TMEM64: variants seen among roughly 807,000 people sequenced by gnomAD.
TMEM64 encodes transmembrane protein 64.
TMEM64 carries 19 observed loss-of-function variants against 24.5 expected under a neutral mutation model. That is an observed-to-expected ratio of 0.78 (90% CI 0.54 to 1.14). TMEM64 has a LOEUF of 1.14. Ranked by LOEUF, TMEM64 falls within the 50% of genes most tolerant of loss-of-function variation. The probability of loss-of-function intolerance (pLI) is 0.00; values close to 1 mark genes in which losing one functional copy is unlikely to be tolerated. For synonymous variants in TMEM64, 262 were observed against 224.7 expected (o/e 1.17, Z -1.49); for missense variants, 487 against 493.0 (o/e 0.99, Z 0.12).
intron 1 of TMEM64, among the ~76,000 whole-genome samples, chr8:90,634,472 C>G (rs1809485514): frequency 6.6e-6 from 1 of 152,078 alleles, no homozygotes; most frequent in Non-Finnish European, 1.5e-5. Context: ...ATGGCCATAA[C>G]TGTTCTTGGC....
rs550730991 is a variant in TMEM64 at position 90,645,420 on chromosome 8, G to C, written c.486C>G (p.Leu162=). Reference sequence around the variant, plus strand: ...AGACCACGATGAAGCCCACGACGAAGAGCAGGACCCCCAGCAGCGAGTCAA... The same window carrying C: ...AGACCACGATGAAGCCCACGACGAACAGCAGGACCCCCAGCAGCGAGTCAA... ...ESLDSLLGVL[L]FVVGFIVVSF... is the part of the protein sequence containing the mutation. The change falls in exon 1 of 3, where the codon CTC becomes CTG. Residue 162 remains leucine (L), a synonymous_variant. Coordinates refer to ENST00000458549, the MANE Select transcript of TMEM64 (RefSeq NM_001008495.4). The surrounding 1 kb of genome is among the most constrained non-coding windows in gnomAD (Gnocchi z 4.2). 1.9e-6 allele frequency: 3 copies of C among 1,551,750 alleles called. No individual in the cohort carries two copies. The highest frequency in any genetic ancestry group is 2.4e-5 in the South Asian group (2 of 84,078).
rs1205247119 is a variant in TMEM64, at chr8:90,622,846, C to A, written c.*2825G>T. The A allele has an allele frequency of 2.6e-5, 4 of 152,156 alleles. No individual in the cohort carries two copies. In the East Asian group the frequency reaches 5.8e-4, roughly 22 times the overall value. 9.4% of individuals were successfully genotyped at this position (152,156 alleles called of 1,614,324 possible). ...GAGAGAATGGCTGGCTCTGAATAAA[C>A]CCACAGTCACTTCTGAACATAAAGT... On this transcript the variant is annotated 3_prime_UTR_variant, in exon 3 of 3. Transcript: ENST00000458549.
At chr8:90,626,538 A>C (rs1204778079) in intron 2 of TMEM64, among the ~76,000 whole-genome samples, 1 of 152,020 alleles carries the variant, frequency 6.6e-6, no homozygotes, top group African/African-American at 2.4e-5. Flanking sequence ...GTCTTAGCTT[A>C]GCTATTCACT....
intron 2 of TMEM64, 85 bp downstream of exon 2, chr8:90,631,466 AT>A: frequency 8.6e-7 from 1 of 1,166,648 alleles, no homozygotes; most frequent in Non-Finnish European, 1.2e-6. Flanking sequence ...CCCTCTGATT[AT>A]TTTCAATGAA....
At chr8:90,640,765 TTATGATGAC>T (rs1809592469) in intron 1 of TMEM64, among the ~76,000 whole-genome samples, 1 of 152,226 alleles carries the variant, frequency 6.6e-6, no homozygotes, top group Non-Finnish European at 1.5e-5. Flanking sequence ...CTGCTTAAAG[TTATGATGAC>T]ATCTTTCACT....
Position 90,631,602 on chromosome 8 carries a change from C to T in TMEM64, c.901G>A (p.Asp301Asn), listed in dbSNP as rs991056040. 4.3e-6 allele frequency: 7 copies of T among 1,613,334 alleles called. No homozygotes were observed. The Admixed American group carries it at 5.0e-5, about 12-fold the overall frequency. The change falls in exon 2 of 3, where the codon GAT becomes AAT. Residue 301 changes from aspartate to asparagine, a missense_variant. By Grantham distance (23) the Asp-to-Asn change is conservative. Transcript: ENST00000458549. ...CTAACACTCTGTTCTGCAATGACAT[C>T]TTCCATTGTCCGCAGGGTGGTACCC... Reference protein sequence around the residue: ...YLGTTLRTMEDVIAEQSVSGY... With the variant: ...YLGTTLRTMENVIAEQSVSGY...
Position 90,645,239 on chromosome 8 carries a change from C to A in TMEM64, c.667G>T (p.Ala223Ser). The A allele has an allele frequency of 1.9e-6, 3 of 1,613,798 alleles. No individual in the cohort carries two copies. Among genetic ancestry groups the A allele is most frequent in the Non-Finnish European group, 2.5e-6 (3 of 1,179,830 alleles). ...CKRLLTAWVA[A>S]RIQSSEKLSA... ...AGCTTCTCGCTGCTCTGGATCCTGG[C>A]GGCCACCCAGGCGGTGAGGAGCCGC... The change falls in exon 1 of 3, where the codon GCC becomes TCC. Residue 223 changes from alanine to serine, a missense_variant. Transcript: ENST00000458549. This position sits in a 1 kb window ranked among gnomAD's most constrained non-coding sequence, Gnocchi z 4.2.
Position 90,624,450 on chromosome 8 carries a change from T to C in TMEM64, c.*1221A>G, listed in dbSNP as rs1259892905. The C allele has an allele frequency of 6.6e-6, 1 of 152,460 alleles. No individual in the cohort carries two copies. The highest frequency in any genetic ancestry group is 2.4e-5 in the African/African-American group (1 of 41,436). 9.4% of individuals were successfully genotyped at this position (152,460 alleles called of 1,614,324 possible). ...ATTTTAAAAATAAAACGAATACATA[T>C]GTAATATGAATCATATGCCAAATTA... On this transcript the variant is annotated 3_prime_UTR_variant, in exon 3 of 3. Coordinates refer to ENST00000458549, the MANE Select transcript of TMEM64 (RefSeq NM_001008495.4).
rs1368373091 is a variant in TMEM64, at chr8:90,645,809, G to C, written c.97C>G (p.Leu33Val). 1.9e-6 allele frequency: 2 copies of C among 1,037,218 alleles called. No homozygotes were observed. The highest frequency in any genetic ancestry group is 2.3e-6 in the Non-Finnish European group (2 of 865,370). The allele number at this position is 1,037,218 out of a possible 1,614,324, so 64.3% of individuals were successfully genotyped here. A position where few individuals can be genotyped will look rare whatever the true frequency, so the allele number is the denominator to read the frequency against. The change falls in exon 1 of 3, where the codon CTG becomes GTG. Residue 33 changes from leucine (L) to valine (V), a missense_variant. Leu to Val is a conservative substitution (Grantham distance 32). Coordinates refer to ENST00000458549, the MANE Select transcript of TMEM64 (RefSeq NM_001008495.4). This position sits in a 1 kb window ranked among gnomAD's most constrained non-coding sequence, Gnocchi z 4.2. ...CCGTCCCCGCCCGCACCCCGCGGCA[G>C]GGCCCAGCGGGCCGGCAGCTCGGCG... ...GLAELPARWA[L>V]PRGAGGDGPA...
chr8:90,645,190 T>G lies in TMEM64; in HGVS notation c.716A>C (p.Glu239Ala). ...CACCACTTTCAGGCCGCTTCCTCCC[T>G]CCACTACGCGAATAACCGCGCTCAG... ...EKLSAVIRVV[E>A]GGSGLKVVAL... Residue 239 changes from glutamate (E) to alanine (A), a missense_variant, in exon 1 of 3, where the codon GAG becomes GCG. Glu to Ala is a moderately radical substitution (Grantham distance 107). Around this residue, in one of 3 missense-constraint regions of TMEM64, gnomAD observed 419 missense variants for 407.5 expected, o/e 1.03. Coordinates refer to ENST00000458549, the MANE Select transcript of TMEM64 (RefSeq NM_001008495.4). The surrounding 1 kb of genome is among the most constrained non-coding windows in gnomAD (Gnocchi z 4.2). 6.2e-7 allele frequency: 1 copy of G among 1,614,140 alleles called. No homozygotes were observed. Among genetic ancestry groups the G allele is most frequent in the Admixed American group, 1.7e-5 (1 of 60,024 alleles).
At chr8:90,638,419 T>TA (rs1809553991) in intron 1 of TMEM64, among the ~76,000 whole-genome samples, 1 of 152,188 alleles carries the variant, frequency 6.6e-6, no homozygotes, top group African/African-American at 2.4e-5. Flanking sequence ...CATCAATTAC[T>TA]CTAGGAAACC....
rs757877670 is a variant in TMEM64 at position 90,645,512 on chromosome 8, G to A, written c.394C>T (p.Leu132=). 1 of 1,550,458 alleles carries A rather than the reference G, an allele frequency of 6.4e-7. No individual in the cohort carries two copies. The highest frequency in any genetic ancestry group is 1.4e-5 in the African/African-American group (1 of 73,150). ...ACCAGGGCCAGGGAAGCGAAGCACAGGGCGGCCAACACGCAGACCAGCACG... is the reference window on the plus strand; with the variant it reads ...ACCAGGGCCAGGGAAGCGAAGCACAAGGCGGCCAACACGCAGACCAGCACG... The part of the protein sequence containing the change: ...SLVLVCVLAA[L]CFASLALVRR... Residue 132 remains leucine (L), a synonymous_variant, in exon 1 of 3, where the codon CTG becomes TTG. Transcript: ENST00000458549. The surrounding 1 kb of genome is among the most constrained non-coding windows in gnomAD (Gnocchi z 4.2).
chr8:90,644,960 C>T (rs2130513966), intron 1 of TMEM64, 151 bp downstream of exon 1: 1 of 867,584 alleles, frequency 1.2e-6, no homozygotes, highest in Admixed American at 2.5e-5. Flanking sequence ...GTAGGACAGA[C>T]TTCCCAGGCT....
chr8:90,631,809 A>G, intron 1 of TMEM64, 102 bp from the exon 2 acceptor site: 1 of 952,406 alleles, frequency 1.0e-6, no homozygotes, highest in Non-Finnish European at 1.5e-6. Flanking sequence ...TTTCCTCGGG[A>G]AGGAGCTGAC....
chr8:90,631,462 G>T, intron 2 of TMEM64, 90 bp downstream of exon 2: 1 of 1,142,516 alleles, frequency 8.8e-7, no homozygotes, highest in Non-Finnish European at 1.2e-6. Context: ...AAAACCCTCT[G>T]ATTATTTTCA....
intron 2 of TMEM64, among the ~76,000 whole-genome samples, chr8:90,629,078 G>A (rs2130496822): frequency 6.6e-6 from 1 of 151,816 alleles, no homozygotes; most frequent in Non-Finnish European, 1.5e-5. Flanking sequence ...TACTTATTCT[G>A]CTAGCTTTAA....
At chr8:90,626,774 G>GC (rs1809367274) in intron 2 of TMEM64, among the ~76,000 whole-genome samples, 1 of 151,814 alleles carries the variant, frequency 6.6e-6, no homozygotes, top group Admixed American at 6.6e-5. Flanking sequence ...GGGATTACAT[G>GC]CATGCGCCCC....
intron 2 of TMEM64, among the ~76,000 whole-genome samples, chr8:90,629,896 C>CAT (rs1268393710): frequency 2.6e-5 from 4 of 152,090 alleles, no homozygotes; most frequent in African/African-American, 7.2e-5. Flanking sequence ...ACTTGTACCT[C>CAT]ATAAGCGCAA....
intron 2 of TMEM64, among the ~76,000 whole-genome samples, chr8:90,629,046 A>G (rs1809401638): frequency 6.6e-6 from 1 of 152,220 alleles, no homozygotes; most frequent in Non-Finnish European, 1.5e-5. Context: ...GTTTCTAGAA[A>G]ATAAGAGGAA....
Sources: allele counts gnomAD v4.1 joint callset (sites outside exome capture counted in the v4.1 genomes callset), GRCh38; gene constraint gnomAD v4.1.1; regional missense constraint gnomAD v4.1.1; non-coding constraint Gnocchi (gnomAD v3.1); transcripts MANE v1.5; gene names NCBI Gene and HGNC (gene_info 2026-07-23, HGNC 2026-07-21).